AP3S2: variants seen among roughly 807,000 people sequenced by gnomAD.
AP3S2 encodes the protein adaptor related protein complex 3 subunit sigma 2.
In AP3S2, 22 loss-of-function variants were observed where a neutral mutation model predicts 23.4. The observed-to-expected ratio is 0.94, with a 90% CI of 0.67 to 1.34. AP3S2 has a LOEUF of 1.34. Ranked by LOEUF, AP3S2 falls within the 40% of genes most tolerant of loss-of-function variation. The probability of loss-of-function intolerance (pLI) is 0.00; values close to 1 mark genes in which losing one functional copy is unlikely to be tolerated. For missense variants in AP3S2, 241 were observed against 236.9 expected (o/e 1.02, Z -0.11); for synonymous variants, 86 against 87.1 (o/e 0.99, Z 0.07).
At chr15:89,872,368 C>T (rs1896341473) in intron 3 of AP3S2, among the ~76,000 whole-genome samples, 2 of 152,098 alleles carry the variant, frequency 1.3e-5, no homozygotes, top group Admixed American at 6.5e-5. Flanking sequence ...GTGTTTACAA[C>T]TTAAAATTTT....
rs184365696 is a variant in AP3S2 at position 89,857,463 on chromosome 15, G to C, written c.345+14012C>G. On this transcript the variant is annotated intron_variant, in intron 4 of 5. Transcript: ENST00000336418. ...TCAGAGAGCCAAGGTAAAGACAAAT[G>C]ATTTGCAGAAAGCCTCTAAGGAGGG... is the stretch of plus-strand genomic sequence containing the variant. Among the ~76,000 whole-genome samples, 365 of 152,288 alleles carry C rather than the reference G, an allele frequency of 2.4e-3. 4 individuals carry two copies. Among genetic ancestry groups the C allele is most frequent in the Non-Finnish European group, 1.6e-3 (107 of 68,020 alleles).
chr15:89,860,385 C>A (rs1350971707), intron 4 of AP3S2, among the ~76,000 whole-genome samples: 3 of 152,146 alleles, frequency 2.0e-5, no homozygotes, highest in Non-Finnish European at 2.9e-5. Flanking sequence ...GTTACCTGAA[C>A]ACAAGCACCG....
chr15:89,876,071 G>T (rs1398841492), intron 3 of AP3S2, among the ~76,000 whole-genome samples: 1 of 152,216 alleles, frequency 6.6e-6, no homozygotes, highest in Non-Finnish European at 1.5e-5. Flanking sequence ...GGGAAAAGAA[G>T]TAGTCTCAAT....
intron 4 of AP3S2, among the ~76,000 whole-genome samples, chr15:89,855,808 C>T (rs1364461358): frequency 6.9e-6 from 1 of 145,238 alleles, no homozygotes; most frequent in African/African-American, 2.6e-5. Context: ...TGAGATTGCA[C>T]CATTGCACTC....
At chr15:89,837,762 G>C in intron 4 of AP3S2, 40 bp from the exon 5 acceptor site, 3 of 1,609,822 alleles carry the variant, frequency 1.9e-6, no homozygotes, top group Non-Finnish European at 2.5e-6. Flanking sequence ...AATACTCTGT[G>C]GTGGTCAGAG....
chr15:89,841,855 C>T (rs560157529), intron 4 of AP3S2, among the ~76,000 whole-genome samples: 1 of 151,930 alleles, frequency 6.6e-6, no homozygotes, highest in East Asian at 1.9e-4. Context: ...TATAAATATA[C>T]AACGAGAAAA....
chr15:89,843,810 GAAACAA>G (rs746386313), intron 4 of AP3S2, among the ~76,000 whole-genome samples: 8 of 152,040 alleles, frequency 5.3e-5, no homozygotes, highest in South Asian at 4.1e-4. Flanking sequence ...CTCCGTCTCA[GAAACAA>G]AAACAAAAAC....
intron 1 of AP3S2, 88 bp downstream of exon 1, chr15:89,893,793 G>A: frequency 7.5e-7 from 1 of 1,332,374 alleles, no homozygotes; most frequent in Admixed American, 2.0e-5. Context: ...TGACCAAAGA[G>A]CGGTGCCCCC....
chr15:89,851,076 G>A (rs1222885831), intron 4 of AP3S2, among the ~76,000 whole-genome samples: 1 of 152,146 alleles, frequency 6.6e-6, no homozygotes, highest in Non-Finnish European at 1.5e-5. Context: ...ATTGTTAAGA[G>A]CTGGAAGAAG....
intron 3 of AP3S2, among the ~76,000 whole-genome samples, chr15:89,879,385 TAGATGC>T (rs1852064959): frequency 6.6e-6 from 1 of 152,168 alleles, no homozygotes; most frequent in African/African-American, 2.4e-5. Flanking sequence ...TATGTGCATA[TAGATGC>T]ACGTGGAAGG....
rs548662759 is a variant in AP3S2, at chr15:89,848,068, C to T, written c.346-10346G>A. ...ATGCATGCCACATCCCAAGCTTAATCGAATCCATAGAAACCTCTAATCTAG... is the reference window on the plus strand; with the variant it reads ...ATGCATGCCACATCCCAAGCTTAATTGAATCCATAGAAACCTCTAATCTAG... On this transcript the variant is annotated intron_variant, in intron 4 of 5. Transcript: ENST00000336418. Among the ~76,000 whole-genome samples the T allele has an allele frequency of 2.6e-5, 4 of 152,296 alleles. No individual in the cohort carries two copies. In the South Asian group the frequency reaches 6.2e-4, roughly 24 times the overall value.
intron 2 of AP3S2, 141 bp from the exon 3 acceptor site, chr15:89,888,773 G>A: frequency 1.0e-6 from 1 of 982,764 alleles, no homozygotes; most frequent in Non-Finnish European, 1.5e-6. Flanking sequence ...CTAGGTGAAT[G>A]GCAACCAAGT....
intron 4 of AP3S2, among the ~76,000 whole-genome samples, chr15:89,863,648 A>G (rs181429690): frequency 6.6e-6 from 1 of 152,328 alleles, no homozygotes; most frequent in African/African-American, 2.4e-5. Context: ...AACTTGGCAG[A>G]GCCAAGGAAT....
At chr15:89,846,312 C>T (rs184525292) in intron 4 of AP3S2, among the ~76,000 whole-genome samples, 6 of 151,926 alleles carry the variant, frequency 3.9e-5, no homozygotes, top group African/African-American at 9.7e-5. Context: ...AACCTGTTAT[C>T]GAGTCTCTCC....
intron 4 of AP3S2, among the ~76,000 whole-genome samples, chr15:89,847,670 T>C (rs947004072): frequency 8.5e-5 from 13 of 152,162 alleles, no homozygotes; most frequent in African/African-American, 2.9e-4. Flanking sequence ...CAGACTGATC[T>C]GGTACCTGAA....
chr15:89,885,231 A>G (rs148038204), intron 3 of AP3S2, among the ~76,000 whole-genome samples: 253 of 150,846 alleles, frequency 1.7e-3, no homozygotes, highest in Non-Finnish European at 2.9e-3. Flanking sequence ...GTCTCGCTCT[A>G]TTGCCCAGGC....
At chr15:89,870,251 G>A (rs1356718469) in intron 4 of AP3S2, among the ~76,000 whole-genome samples, 2 of 152,102 alleles carry the variant, frequency 1.3e-5, no homozygotes, top group East Asian at 3.9e-4. Flanking sequence ...ACAACTCTAA[G>A]TGCTTGCAAA....
intron 4 of AP3S2, among the ~76,000 whole-genome samples, chr15:89,869,141 G>A (rs996895268): frequency 6.6e-6 from 1 of 152,088 alleles, no homozygotes; most frequent in African/African-American, 2.4e-5. Context: ...CGGGAAAGGT[G>A]GGGAAAAGAT....
chr15:89,886,479 A>G (rs913480381), intron 3 of AP3S2: 3 of 151,762 alleles, frequency 2.0e-5, no homozygotes, highest in African/African-American at 4.8e-5. Flanking sequence ...AATTTTCTTT[A>G]TTTTTTATAA....
Sources: gnomAD v4.1 joint callset for allele counts (sites outside exome capture counted in the v4.1 genomes callset) on GRCh38, gnomAD v4.1.1 for gene constraint, MANE v1.5 for transcripts, NCBI Gene and HGNC (gene_info 2026-07-23, HGNC 2026-07-21) for gene names.